RAG2: variants seen among roughly 807,000 people sequenced by gnomAD.
RAG2 encodes recombination activating 2, also known as V(D)J recombination-activating protein 2.
In RAG2, 16 loss-of-function variants were observed where a neutral mutation model predicts 31.8. That is an observed-to-expected ratio of 0.50 (90% CI 0.34 to 0.76). RAG2 has a LOEUF of 0.76. RAG2 is among the 30% of genes least tolerant of loss of function. The probability of loss-of-function intolerance (pLI) is 0.01; values close to 1 mark genes in which losing one functional copy is unlikely to be tolerated. For synonymous variants in RAG2, 199 were observed against 215.9 expected (o/e 0.92, Z 0.68); for missense variants, 622 against 628.5 (o/e 0.99, Z 0.11).
intron 1 of RAG2, chr11:36,594,459 A>C: frequency 4.6e-6 from 2 of 436,250 alleles, no homozygotes; most frequent in Middle Eastern, 6.4e-4. Context: ...GTAAAGAGTC[A>C]CCATGCGTCA....
downstream of RAG2, among the ~76,000 whole-genome samples, chr11:36,591,598 T>TACACACAC (rs3084298): frequency 3.0e-3 from 443 of 149,116 alleles, no homozygotes; most frequent in African/African-American, 9.7e-3. Context: ...ACATGTTAAC[T>TACACACAC]ACACACACAC....
rs775526056 is a variant in RAG2 at position 36,593,916 on chromosome 11, C to G, written c.253G>C (p.Glu85Gln). ...PATCTFKGSL[E>Q]SEKHQYIIHG... Reference sequence around the variant, plus strand: ...ATGATGTATTGATGCTTTTCAGACTCCAAGCTGCCTTTGAATGTGCAAGTG... The same window carrying G: ...ATGATGTATTGATGCTTTTCAGACTGCAAGCTGCCTTTGAATGTGCAAGTG... Residue 85 changes from glutamate (E) to glutamine (Q), a missense_variant, in exon 2 of 2, where the codon GAG becomes CAG. By Grantham distance (29) the Glu-to-Gln change is conservative. Coordinates refer to ENST00000311485, the MANE Select transcript of RAG2 (RefSeq NM_000536.4). The G allele has an allele frequency of 2.4e-5, 38 of 1,614,224 alleles. No individual in the cohort carries two copies. The highest frequency in any genetic ancestry group is 3.2e-5 in the Non-Finnish European group (38 of 1,180,052).
chr11:36,593,277 C>G lies in RAG2; in HGVS notation c.892G>C (p.Glu298Gln). 1 of 1,614,152 alleles carries G rather than the reference C, an allele frequency of 6.2e-7. No homozygotes were observed. Among genetic ancestry groups the G allele is most frequent in the Non-Finnish European group, 8.5e-7 (1 of 1,180,012 alleles). Residue 298 changes from glutamate to glutamine, a missense_variant, in exon 2 of 2, where the codon GAA becomes CAA. Glu to Gln is a conservative substitution (Grantham distance 29, BLOSUM62 2). Transcript: ENST00000311485. ...TCTGGGGTCTCCATCTCACGAATTT[C>G]TATCTTGTTGTCCTCTAAAGAGATG... ...NIISLEDNKI[E>Q]IREMETPDWT...
Position 36,592,342 on chromosome 11 carries a change from C to T in RAG2, c.*243G>A. The stretch of plus-strand genomic sequence containing the variant: ...TTGAATAAAAAATCAGATCAGAAAT[C>T]CTCAGTGAAGAATAAATTAGTAAAT... On this transcript the variant is annotated 3_prime_UTR_variant, in exon 2 of 2. Transcript: ENST00000311485. The T allele has an allele frequency of 3.9e-6, 2 of 509,564 alleles. No individual in the cohort carries two copies. The highest frequency in any genetic ancestry group is 4.6e-5 in the South Asian group (2 of 43,626). 31.6% of individuals were successfully genotyped at this position (509,564 alleles called of 1,614,324 possible).
At chr11:36,595,008 T>G (rs1448282168) in intron 1 of RAG2, 1 of 152,142 alleles carries the variant, frequency 6.6e-6, no homozygotes, top group Admixed American at 6.5e-5. Flanking sequence ...ATCCCTAGAG[T>G]GCAGGGGAGA....
In RAG2 at chr11:36,592,868, T is replaced by C. The variant is rs1211172128; in HGVS notation, c.1301A>G (p.Tyr434Cys). 2 of 1,614,122 alleles carry C rather than the reference T, an allele frequency of 1.2e-6. No individual in the cohort carries two copies. The highest frequency in any genetic ancestry group is 2.7e-5 in the African/African-American group (2 of 75,028). Residue 434 changes from tyrosine to cysteine, a missense_variant, in exon 2 of 2, where the codon TAT becomes TGT. Tyr to Cys is a radical substitution (Grantham distance 194). Transcript: ENST00000311485. Reference protein sequence around the residue: ...DVDINTWVPFYSTELNKPAMI... With the variant: ...DVDINTWVPFCSTELNKPAMI... Reference sequence around the variant, plus strand: ...GGCGGGTTTGTTGAGCTCAGTTGAATAGAATGGTACCCAAGTGTTGATATC... The same window carrying C: ...GGCGGGTTTGTTGAGCTCAGTTGAACAGAATGGTACCCAAGTGTTGATATC...
Position 36,593,668 on chromosome 11 carries a change from T to G in RAG2, c.501A>C (p.Arg167Ser), listed in dbSNP as rs1159686210. The G allele has an allele frequency of 6.2e-7, 1 of 1,614,216 alleles. No homozygotes were observed. ...GGRSYMPSTH[R>S]TTEKWNSVAD... ...CTACACTATTCCATTTTTCTGTGGT[T>G]CTGTGGGTAGAAGGCATGTATGAGC... is the stretch of plus-strand genomic sequence containing the variant. Residue 167 changes from arginine (R) to serine (S), a missense_variant, in exon 2 of 2, where the codon AGA (arginine) becomes AGC (serine). Physicochemically the swap from Arg to Ser is moderately radical, Grantham distance 110. Transcript: ENST00000311485.
chr11:36,591,753 T>C (rs1404387050), downstream of RAG2, among the ~76,000 whole-genome samples: 7 of 152,156 alleles, frequency 4.6e-5, no homozygotes, highest in African/African-American at 1.7e-4. Flanking sequence ...GGTGGTCCTT[T>C]CTTATTGTAT....
At position 36,593,228 on chromosome 11, in the gene RAG2, C is replaced by A. The variant is rs766257880; in HGVS notation, c.941G>T (p.Ser314Ile). The A allele has an allele frequency of 1.2e-6, 2 of 1,614,168 alleles. No individual in the cohort carries two copies. Among genetic ancestry groups the A allele is most frequent in the Admixed American group, 3.3e-5 (2 of 60,024 alleles). Residue 314 changes from serine to isoleucine, a missense_variant, in exon 2 of 2, where the codon AGC (serine) becomes ATC (isoleucine). Transcript: ENST00000311485. ...CATGTTGCTTCCAAACCATATCTTG[C>A]TGTGCTTAATGTCTGGGGTCCAATC... ...TPDWTPDIKHSKIWFGSNMGN... is the reference protein window; with the variant it reads ...TPDWTPDIKHIKIWFGSNMGN...
At chr11:36,596,211 G>GTTTTTTTTTTT (rs1243664769) in intron 1 of RAG2, among the ~76,000 whole-genome samples, 12 of 101,148 alleles carry the variant, frequency 1.2e-4, no homozygotes, top group African/African-American at 2.9e-4. Flanking sequence ...AGATGGTAGT[G>GTTTTTTTTTTT]TTTTTTTTTT....
chr11:36,592,627 C>T lies in RAG2; in HGVS notation c.1542G>A (p.Leu514=). 1 of 1,614,122 alleles carries T rather than the reference C, an allele frequency of 6.2e-7. No individual in the cohort carries two copies. The highest frequency in any genetic ancestry group is 1.3e-5 in the African/African-American group (1 of 75,040). The change falls in exon 2 of 2, where the codon TTG becomes TTA. Residue 514 remains leucine (L), a synonymous_variant. Coordinates refer to ENST00000311485, the MANE Select transcript of RAG2 (RefSeq NM_000536.4). ...TAAGAAAGGATTTCTTGGCAGGAGT[C>T]AAGATTTTTCCAGAACCTTTTTTAC... ...SLRKKGSGKI[L]TPAKKSFLRR...
At position 36,592,887 on chromosome 11, in the gene RAG2, T is replaced by G. The variant is rs757316422; in HGVS notation, c.1282A>C (p.Asn428His). The change falls in exon 2 of 2, where the codon AAC becomes CAC. Residue 428 changes from asparagine (N) to histidine (H), a missense_variant. By Grantham distance (68) the Asn-to-His change is moderately conservative (BLOSUM62 1). Transcript: ENST00000311485. ...GTTGAATAGAATGGTACCCAAGTGTTGATATCCACATCACAAGTAGGGCAG... is the reference window on the plus strand; with the variant it reads ...GTTGAATAGAATGGTACCCAAGTGTGGATATCCACATCACAAGTAGGGCAG... The part of the protein sequence containing the change: ...TCCPTCDVDI[N>H]TWVPFYSTEL... The G allele has an allele frequency of 6.2e-7, 1 of 1,614,196 alleles. No individual in the cohort carries two copies. Among genetic ancestry groups the G allele is most frequent in the East Asian group, 2.2e-5 (1 of 44,884 alleles).
At position 36,592,682 on chromosome 11, in the gene RAG2, G is replaced by GGATTTCATT. The variant is rs1410392642; in HGVS notation, c.1486_1487insAATGAAATC (p.Leu495_Pro496insGlnTer). Reference sequence around the variant, plus strand: ...GGATTTCATTGGAGGCTTTTTTAAGGGTAGGACTCTTTGGGGAGTGTGTAG... The same window carrying GGATTTCATT: ...GGATTTCATTGGAGGCTTTTTTAAGGGATTTCATTGTAGGACTCTTTGGGGAGTGTGTAG... On this transcript the variant is annotated stop_gained, in exon 2 of 2. Coordinates refer to ENST00000311485, the MANE Select transcript of RAG2 (RefSeq NM_000536.4). LOFTEE classifies it high-confidence loss of function. 9.3e-6 allele frequency: 15 copies of GGATTTCATT among 1,614,060 alleles called. No individual in the cohort carries two copies. The highest frequency in any genetic ancestry group is 1.3e-5 in the Non-Finnish European group (15 of 1,180,010).
At position 36,598,211 on chromosome 11, in the gene RAG2, A is replaced by G. The variant is rs73455545; in HGVS notation, c.-137T>C. On this transcript the variant is annotated 5_prime_UTR_variant, in exon 1 of 2. Transcript: ENST00000311485. ...CTGACTGCCCACTATGACTGTGGCA[A>G]GCAGAAGGCTGACTGTAAAGAGAGT... 16,241 of 151,976 alleles carry G rather than the reference A, an allele frequency of 0.11. 992 individuals carry two copies. Among genetic ancestry groups the G allele is most frequent in the African/African-American group, 0.15 (6,252 of 41,426 alleles). The allele number at this position is 151,976 out of a possible 1,614,324, so 9.4% of individuals were successfully genotyped here. A position where few individuals can be genotyped will look rare whatever the true frequency, so the allele number is the denominator to read the frequency against.
rs193922572 is a variant in RAG2, at chr11:36,592,922, C to A, written c.1247G>T (p.Trp416Leu). 37 of 1,614,022 alleles carry A rather than the reference C, an allele frequency of 2.3e-5. No homozygotes were observed. The South Asian group carries it at 4.0e-4, about 17-fold the overall frequency. ...DEEDESETGY[W>L]ITCCPTCDVD... The stretch of plus-strand genomic sequence containing the variant: ...ATCACAAGTAGGGCAGCATGTAATC[C>A]AGTAGCCTGTCTCAGACTCATCTTC... Residue 416 changes from tryptophan (W) to leucine (L), a missense_variant, in exon 2 of 2, where the codon TGG becomes TTG. Coordinates refer to ENST00000311485, the MANE Select transcript of RAG2 (RefSeq NM_000536.4).
At position 36,593,818 on chromosome 11, in the gene RAG2, G is replaced by C; in HGVS notation, c.351C>G (p.Asn117Lys). The change falls in exon 2 of 2, where the codon AAC becomes AAG. Residue 117 changes from asparagine to lysine, a missense_variant. Asn to Lys is a moderately conservative substitution (Grantham distance 94). Coordinates refer to ENST00000311485, the MANE Select transcript of RAG2 (RefSeq NM_000536.4). ...CTGTGCAGCGAAAAGTAACCTTTTT[G>C]TTGTTCTTGCAAACAATAGACATGA... is the stretch of plus-strand genomic sequence containing the variant. ...IYVMSIVCKN[N>K]KKVTFRCTEK... 2 of 1,614,148 alleles carry C rather than the reference G, an allele frequency of 1.2e-6. No homozygotes were observed. Among genetic ancestry groups the C allele is most frequent in the Non-Finnish European group, 1.7e-6 (2 of 1,180,000 alleles).
intron 1 of RAG2, among the ~76,000 whole-genome samples, chr11:36,596,629 G>C (rs1206935295): frequency 1.3e-5 from 2 of 152,184 alleles, no homozygotes; most frequent in Non-Finnish European, 2.9e-5. Context: ...GAGTGATTAT[G>C]ATCAGAGAGT....
At chr11:36,591,172 G>A (rs965815735), downstream of RAG2, among the ~76,000 whole-genome samples, 58 of 152,116 alleles carry the variant, frequency 3.8e-4, no homozygotes, top group African/African-American at 1.4e-3. Flanking sequence ...AATATTCAGC[G>A]AGCAACATTA....
downstream of RAG2, among the ~76,000 whole-genome samples, chr11:36,591,606 C>T (rs1170037877): frequency 6.6e-6 from 1 of 151,390 alleles, no homozygotes; most frequent in Non-Finnish European, 1.5e-5. Context: ...ACTACACACA[C>T]ACACACACAC....
Sources: allele counts gnomAD v4.1 joint callset (sites outside exome capture counted in the v4.1 genomes callset), GRCh38; gene constraint gnomAD v4.1.1; transcripts MANE v1.5; gene names NCBI Gene and HGNC (gene_info 2026-07-23, HGNC 2026-07-21).